Variants in SMYD3 observed in about 807,000 individuals in gnomAD.
SMYD3 encodes the protein histone-lysine N-methyltransferase SMYD3.
In SMYD3, 36 loss-of-function variants were observed where a neutral mutation model predicts 57.7. The observed-to-expected ratio is 0.62, with a 90% CI of 0.48 to 0.82. The LOEUF is 0.82. Ranked by LOEUF, SMYD3 falls within the 40% of genes least tolerant of loss-of-function variation. The pLI, the probability that SMYD3 is intolerant of heterozygous loss-of-function variation, is 0.00. For missense variants in SMYD3, 515 were observed against 538.8 expected, an observed-to-expected ratio of 0.96 and a Z score of 0.44; for synonymous variants, 211 against 195.0, an observed-to-expected ratio of 1.08 and a Z score of -0.68.
intron 5 of SMYD3, among the ~76,000 whole-genome samples, chr1:246,017,647 T>C (rs1282045345): frequency 6.6e-6 from 1 of 152,214 alleles, no homozygotes; most frequent in Non-Finnish European, 1.5e-5. Context: ...TTACTGATGT[T>C]ATTAATTTTG....
intron 11 of SMYD3, 53 bp downstream of exon 11, chr1:245,763,988 C>T: frequency 7.3e-7 from 1 of 1,365,970 alleles, no homozygotes; most frequent in Non-Finnish European, 1.0e-6. Flanking sequence ...GGCCCAGCAA[C>T]AGCAGAAAAA....
chr1:245,927,813 C>G (rs2275313), intron 7 of SMYD3, 118 bp downstream of exon 7: 612,280 of 717,602 alleles, frequency 0.85, 265,051 homozygotes, highest in Non-Finnish European at 0.9. Context: ...AATACTCTCA[C>G]TGGCAGAAGG....
chr1:245,774,971 A>C (rs529811295), intron 10 of SMYD3, among the ~76,000 whole-genome samples: 21 of 152,216 alleles, frequency 1.4e-4, no homozygotes, highest in South Asian at 1.0e-3. Context: ...CCGGAGGTGC[A>C]GGGATTGCAG....
chr1:245,812,936 T>C (rs2048561700), intron 10 of SMYD3, among the ~76,000 whole-genome samples: 1 of 148,660 alleles, frequency 6.7e-6, no homozygotes, highest in South Asian at 2.1e-4. Context: ...GAGCAAAGAA[T>C]AGAGGGGTAG....
intron 8 of SMYD3, among the ~76,000 whole-genome samples, chr1:245,893,069 A>G (rs1295886042): frequency 6.6e-6 from 1 of 152,260 alleles, no homozygotes; most frequent in East Asian, 1.9e-4. Flanking sequence ...ATTTGAACAG[A>G]TATATCAACA....
intron 1 of SMYD3, among the ~76,000 whole-genome samples, chr1:246,423,904 T>C (rs900157271): frequency 2.6e-5 from 4 of 152,114 alleles, no homozygotes; most frequent in Admixed American, 2.6e-4. Context: ...CAATGGAACA[T>C]CTTTAAAGTG....
intron 5 of SMYD3, among the ~76,000 whole-genome samples, chr1:246,122,868 C>T (rs763578084): frequency 9.9e-5 from 15 of 152,230 alleles, no homozygotes; most frequent in Non-Finnish European, 1.6e-4. Context: ...TGATTAACTT[C>T]AGGCCAATCA....
chr1:246,270,641 T>C (rs2064202898), intron 5 of SMYD3, among the ~76,000 whole-genome samples: 1 of 152,212 alleles, frequency 6.6e-6, no homozygotes, highest in South Asian at 2.1e-4. Context: ...TGTTGTAGCA[T>C]GTGTCTTCAT....
chr1:245,943,855 T>G (rs1370217901), intron 5 of SMYD3, among the ~76,000 whole-genome samples: 1 of 151,950 alleles, frequency 6.6e-6, no homozygotes, highest in East Asian at 1.9e-4. Context: ...TAAATGTAAT[T>G]CATCACATAA....
chr1:246,346,676 T>C (rs1336718142), intron 2 of SMYD3, among the ~76,000 whole-genome samples: 3 of 152,140 alleles, frequency 2.0e-5, no homozygotes, highest in African/African-American at 7.2e-5. Flanking sequence ...TGGGGGATAC[T>C]GCCCCCACGA....
chr1:245,782,496 G>A (rs539178334), intron 10 of SMYD3, among the ~76,000 whole-genome samples: 79 of 152,326 alleles, frequency 5.2e-4, no homozygotes, highest in Non-Finnish European at 9.7e-4. Context: ...GCATGGAAGT[G>A]GCAAAACCAT....
Position 246,487,788 on chromosome 1 carries a change from G to C in SMYD3, c.164+19266C>G, listed in dbSNP as rs1201467537. Among the ~76,000 whole-genome samples, 3 of 151,060 alleles carry C rather than the reference G, an allele frequency of 2.0e-5. No homozygotes were observed. The East Asian group carries it at 5.8e-4, about 29-fold the overall frequency. On this transcript the variant is annotated intron_variant, in intron 1 of 11. Coordinates refer to ENST00000490107, the MANE Select transcript of SMYD3 (RefSeq NM_001167740.2). Reference sequence around the variant, plus strand: ...CAGCTCACCACAACCTCTGCCTCCTGGGTTCAAGTGATTCTCCTGCTTCAG... The same window carrying C: ...CAGCTCACCACAACCTCTGCCTCCTCGGTTCAAGTGATTCTCCTGCTTCAG...
intron 10 of SMYD3, among the ~76,000 whole-genome samples, chr1:245,848,512 G>A (rs2050785182): frequency 6.6e-6 from 1 of 151,988 alleles, no homozygotes; most frequent in South Asian, 2.1e-4. Context: ...GGGCTCGAGG[G>A]ATCCTCCTGC....
At chr1:246,371,564 C>G (rs1180613715) in intron 1 of SMYD3, among the ~76,000 whole-genome samples, 3 of 152,102 alleles carry the variant, frequency 2.0e-5, no homozygotes, top group Admixed American at 2.0e-4. Flanking sequence ...ATAACTATTG[C>G]TAGTACAAAT....
At chr1:245,765,835 G>A (rs1040102606) in intron 10 of SMYD3, among the ~76,000 whole-genome samples, 3 of 152,064 alleles carry the variant, frequency 2.0e-5, no homozygotes, top group Non-Finnish European at 4.4e-5. Context: ...TGTGCCAGGC[G>A]CTGTTCCAAC....
At chr1:245,964,230 A>G (rs72768790) in intron 5 of SMYD3, among the ~76,000 whole-genome samples, 21,293 of 152,132 alleles carry the variant, frequency 0.14, 1,851 homozygotes, top group East Asian at 0.41. Flanking sequence ...ACCAAGGGGA[A>G]GGCACCACGC....
Position 245,771,883 on chromosome 1 carries a change from A to C in SMYD3, c.1077-7734T>G, listed in dbSNP as rs1003885037. On this transcript the variant is annotated intron_variant, in intron 10 of 11. Transcript: ENST00000490107. ...GAAACAAAACCAAAGGGGAAAAAAA[A>C]AGATGGGCCCCACAGTCATGAAACC... Among the ~76,000 whole-genome samples the C allele has an allele frequency of 2.0e-5, 3 of 152,200 alleles. No individual in the cohort carries two copies. The South Asian group carries it at 6.2e-4, about 32-fold the overall frequency.
At chr1:245,875,563 T>G (rs2052440557) in intron 8 of SMYD3, among the ~76,000 whole-genome samples, 1 of 152,252 alleles carries the variant, frequency 6.6e-6, no homozygotes, top group Non-Finnish European at 1.5e-5. Flanking sequence ...TATATTGATA[T>G]CTGATGAAGT....
intron 10 of SMYD3, among the ~76,000 whole-genome samples, chr1:245,835,111 G>A (rs2050038695): frequency 6.9e-6 from 1 of 143,906 alleles, no homozygotes; most frequent in Non-Finnish European, 1.5e-5. Flanking sequence ...CTAGTTCCTG[G>A]GGCAGGTTTC....
Sources: allele counts gnomAD v4.1 joint callset (sites outside exome capture counted in the v4.1 genomes callset), GRCh38; gene constraint gnomAD v4.1.1; transcripts MANE v1.5; gene names NCBI Gene and HGNC (gene_info 2026-07-23, HGNC 2026-07-21).